Variants in PARM1 observed in about 807,000 individuals in gnomAD.
PARM1 encodes prostate androgen-regulated mucin-like protein 1.
Under a neutral mutation model 24.6 loss-of-function variants are expected in PARM1, and 14 were observed. The ratio of observed to expected loss-of-function variants is 0.57; its 90% CI spans 0.38 to 0.89. PARM1 has a LOEUF of 0.89. Among genes scored for constraint, PARM1 ranks in the 40% least tolerant of loss-of-function variants. The pLI is 0.00. For synonymous variants in PARM1, 179 were observed against 156.6 expected (o/e 1.14, Z -1.07); for missense variants, 362 against 380.4 (o/e 0.95, Z 0.40).
intron 1 of PARM1, among the ~76,000 whole-genome samples, chr4:75,008,594 G>A (rs968702635): frequency 1.2e-4 from 18 of 152,150 alleles, no homozygotes; most frequent in Non-Finnish European, 1.8e-4. Context: ...AATGTCATTC[G>A]AAAATGGCAT....
At chr4:74,943,514 G>A (rs543992692) in intron 1 of PARM1, among the ~76,000 whole-genome samples, 2 of 151,868 alleles carry the variant, frequency 1.3e-5, no homozygotes, top group South Asian at 4.1e-4. Context: ...AAAAAAATGA[G>A]TCAGGCCTTT....
intron 1 of PARM1, among the ~76,000 whole-genome samples, chr4:75,008,361 G>A (rs1347855679): frequency 6.6e-6 from 1 of 152,190 alleles, no homozygotes; most frequent in African/African-American, 2.4e-5. Flanking sequence ...TTGTAAAAGT[G>A]TATTAGTAAG....
intron 2 of PARM1, among the ~76,000 whole-genome samples, chr4:75,025,581 C>T (rs1303958896): frequency 6.6e-6 from 1 of 152,094 alleles, no homozygotes; most frequent in Admixed American, 6.5e-5. Flanking sequence ...AAGAACTGTG[C>T]CGTCATGTGT....
chr4:74,994,783 ACT>A lies in PARM1; in HGVS notation c.44-17639_44-17638del, dbSNP rs899421354. 3.9e-4 allele frequency among the ~76,000 whole-genome samples: 58 copies of A among 148,058 alleles called. 1 individual carries two copies. Among genetic ancestry groups the A allele is most frequent in the Admixed American group, 2.1e-3 (31 of 14,452 alleles). ...ACTCCAGCCTGGGTGACAGAGCAAGACTCTGTCTCAAAAAATATAAATAAATA... is the reference window on the plus strand; with the variant it reads ...ACTCCAGCCTGGGTGACAGAGCAAGACTGTCTCAAAAAATATAAATAAATA... On this transcript the variant is annotated intron_variant, in intron 1 of 3. Coordinates refer to ENST00000307428, the MANE Select transcript of PARM1 (RefSeq NM_015393.4).
intron 2 of PARM1, among the ~76,000 whole-genome samples, chr4:75,026,398 C>G (rs1034929847): frequency 6.6e-6 from 1 of 152,150 alleles, no homozygotes; most frequent in Admixed American, 6.5e-5. Context: ...TGCATAACCA[C>G]CCACAGCTAC....
In PARM1 at chr4:75,013,288, AC is replaced by A. The variant is rs1432881610; in HGVS notation, c.769+139del. On this transcript the variant is annotated intron_variant, in intron 2 of 3. Coordinates refer to ENST00000307428, the MANE Select transcript of PARM1 (RefSeq NM_015393.4). ...TGAATTATAATTCACAAGAATTTCCACGAGTGCAAACTTTATTTTTAGTCAC... is the reference window on the plus strand; with the variant it reads ...TGAATTATAATTCACAAGAATTTCCAGAGTGCAAACTTTATTTTTAGTCAC... 4.4e-6 allele frequency: 4 copies of A among 904,872 alleles called. No individual in the cohort carries two copies. In the East Asian group the frequency reaches 7.5e-5, roughly 17 times the overall value. The allele number at this position is 904,872 out of a possible 1,614,324, so 56.1% of individuals were successfully genotyped here. A position where few individuals can be genotyped will look rare whatever the true frequency, so the allele number is the denominator to read the frequency against.
At chr4:74,933,747 G>A (rs1721117745) in intron 1 of PARM1, among the ~76,000 whole-genome samples, 1 of 152,282 alleles carries the variant, frequency 6.6e-6, no homozygotes, top group Non-Finnish European at 1.5e-5. Flanking sequence ...TCTTGTTGCC[G>A]TTGGGCCCTG....
chr4:74,990,338 C>T (rs1722441945), intron 1 of PARM1, among the ~76,000 whole-genome samples: 1 of 152,170 alleles, frequency 6.6e-6, no homozygotes, highest in Non-Finnish European at 1.5e-5. Flanking sequence ...GACTGACTTT[C>T]ACCTATTAGA....
chr4:75,007,499 T>C (rs992248078), intron 1 of PARM1, among the ~76,000 whole-genome samples: 1 of 152,154 alleles, frequency 6.6e-6, no homozygotes, highest in African/African-American at 2.4e-5. Flanking sequence ...TAGTGTAAGG[T>C]CAGTTACACC....
At chr4:74,961,286 G>A (rs999420799) in intron 1 of PARM1, among the ~76,000 whole-genome samples, 2 of 152,042 alleles carry the variant, frequency 1.3e-5, no homozygotes, top group Non-Finnish European at 1.5e-5. Flanking sequence ...AAAGAAAAGT[G>A]AGCAGAGTGT....
intron 2 of PARM1, among the ~76,000 whole-genome samples, chr4:75,026,092 G>A (rs965006760): frequency 1.3e-5 from 2 of 152,196 alleles, no homozygotes; most frequent in African/African-American, 2.4e-5. Flanking sequence ...CTTAGGTTGT[G>A]TTAATTAAAA....
In PARM1 at chr4:75,012,467, T is replaced by C. The variant is rs1380594298; in HGVS notation, c.86T>C (p.Val29Ala). The change falls in exon 2 of 4, where the codon GTT becomes GCT. Residue 29 changes from valine to alanine, a missense_variant. Coordinates refer to ENST00000307428, the MANE Select transcript of PARM1 (RefSeq NM_015393.4). ...QSLPTSAPLS[V>A]SLPTNIVPPT... is the part of the protein sequence containing the mutation. ...CTGCCTACATCAGCTCCTTTGTCTG[T>C]TTCTCTTCCGACAAACATTGTACCA... 6.2e-7 allele frequency: 1 copy of C among 1,613,818 alleles called. No individual in the cohort carries two copies. Among genetic ancestry groups the C allele is most frequent in the African/African-American group, 1.3e-5 (1 of 74,892 alleles).
chr4:74,976,453 C>A (rs548101763), intron 1 of PARM1, among the ~76,000 whole-genome samples: 8 of 152,174 alleles, frequency 5.3e-5, no homozygotes, highest in Non-Finnish European at 1.2e-4. Context: ...TCTGAACTCT[C>A]TGGGATGGAG....
chr4:75,011,583 A>ATCATTGAATGATTCAT (rs1253530248), intron 1 of PARM1, among the ~76,000 whole-genome samples: 2 of 152,176 alleles, frequency 1.3e-5, no homozygotes, highest in Non-Finnish European at 1.5e-5. Context: ...TTATTAAATA[A>ATCATTGAATGATTCAT]TCATTGAATG....
intron 1 of PARM1, among the ~76,000 whole-genome samples, chr4:74,975,968 G>A (rs755778037): frequency 6.6e-6 from 1 of 152,150 alleles, no homozygotes; most frequent in Non-Finnish European, 1.5e-5. Context: ...GCAAGGTGGA[G>A]CCACAGCCCA....
chr4:74,992,265 A>G (rs1174393282), intron 1 of PARM1, among the ~76,000 whole-genome samples: 2 of 152,176 alleles, frequency 1.3e-5, no homozygotes, highest in Non-Finnish European at 2.9e-5. Context: ...CTAATAAAAA[A>G]TGAGTAAATT....
chr4:74,939,828 T>C (rs1721268224), intron 1 of PARM1, among the ~76,000 whole-genome samples: 2 of 152,224 alleles, frequency 1.3e-5, no homozygotes, highest in Admixed American at 1.3e-4. Context: ...AATATTAAGA[T>C]AAATTACCAG....
Position 75,046,327 on chromosome 4 carries a change from T to A in PARM1, c.*80T>A. On this transcript the variant is annotated 3_prime_UTR_variant, in exon 4 of 4. Coordinates refer to ENST00000307428, the MANE Select transcript of PARM1 (RefSeq NM_015393.4). ...TCCAGTAGAATTAATAAGTACCTGA[T>A]GCGCATTGAACGACAATCTTAAGCC... 1 of 930,176 alleles carries A rather than the reference T, an allele frequency of 1.1e-6. No individual in the cohort carries two copies. Among genetic ancestry groups the A allele is most frequent in the Non-Finnish European group, 1.7e-6 (1 of 581,574 alleles). The allele number at this position is 930,176 out of a possible 1,614,324, so 57.6% of individuals were successfully genotyped here.
intron 1 of PARM1, among the ~76,000 whole-genome samples, chr4:74,976,127 G>A (rs1722134587): frequency 6.6e-6 from 1 of 152,168 alleles, no homozygotes; most frequent in South Asian, 2.1e-4. Flanking sequence ...TGGATCCTGA[G>A]CACAGAATCA....
Sources: allele counts gnomAD v4.1 joint callset (sites outside exome capture counted in the v4.1 genomes callset), GRCh38; gene constraint gnomAD v4.1.1; transcripts MANE v1.5; gene names NCBI Gene and HGNC (gene_info 2026-07-23, HGNC 2026-07-21).